EYA2: variants seen among roughly 807,000 people sequenced by gnomAD.
The protein encoded by EYA2 is protein phosphatase EYA2.
In EYA2, 31 loss-of-function variants were observed where a neutral mutation model predicts 69.2. That is an observed-to-expected ratio of 0.45 (90% CI 0.34 to 0.60). The LOEUF is 0.60. EYA2 is among the 20% of genes least tolerant of loss of function. EYA2 has a pLI of 0.02. For missense variants in EYA2, 622 were observed against 701.2 expected, an observed-to-expected ratio of 0.89 and a Z score of 1.28; for synonymous variants, 257 against 279.4, an observed-to-expected ratio of 0.92 and a Z score of 0.80.
Position 47,063,076 on chromosome 20 carries a change from T to C in EYA2, c.416-9109T>C, listed in dbSNP as rs142992850. Among the ~76,000 whole-genome samples the C allele has an allele frequency of 3.8e-4, 58 of 152,236 alleles. 1 individual carries two copies. The Middle Eastern group carries it at 0.01, about 27-fold the overall frequency. Reference sequence around the variant, plus strand: ...AAATTAAGGTAAAATTCCCATAACATAGAATTAACCATTAACCATTTTAAA... The same window carrying C: ...AAATTAAGGTAAAATTCCCATAACACAGAATTAACCATTAACCATTTTAAA... On this transcript the variant is annotated intron_variant, in intron 5 of 15. Transcript: ENST00000327619.
intron 9 of EYA2, among the ~76,000 whole-genome samples, chr20:47,111,542 G>A (rs369473659): frequency 5.3e-5 from 8 of 152,264 alleles, no homozygotes; most frequent in African/African-American, 1.4e-4. Context: ...GCTTTTCCTC[G>A]TGGCCTAAGA....
chr20:47,105,452 C>T (rs1438871121), intron 9 of EYA2, among the ~76,000 whole-genome samples: 1 of 152,112 alleles, frequency 6.6e-6, no homozygotes, highest in Non-Finnish European at 1.5e-5. Flanking sequence ...TGATGAAACC[C>T]TGTCTCTACT....
chr20:46,946,035 T>G (rs1295346430), intron 1 of EYA2, among the ~76,000 whole-genome samples: 1 of 152,130 alleles, frequency 6.6e-6, no homozygotes, highest in African/African-American at 2.4e-5. Flanking sequence ...TCGAGGGTCT[T>G]GAGAATAAGT....
chr20:47,180,786 T>C, intron 13 of EYA2, 29 bp from the exon 14 acceptor site: 1 of 1,610,694 alleles, frequency 6.2e-7, no homozygotes, highest in South Asian at 1.1e-5. Context: ...TCCCTCTGAG[T>C]TCTGATCCAC....
At chr20:47,032,711 C>G (rs1600655918) in intron 5 of EYA2, among the ~76,000 whole-genome samples, 1 of 152,218 alleles carries the variant, frequency 6.6e-6, no homozygotes, top group Non-Finnish European at 1.5e-5. Flanking sequence ...TCTGCACTCA[C>G]TGGCTGTGAG....
chr20:47,070,994 A>G (rs1249873979), intron 5 of EYA2, among the ~76,000 whole-genome samples: 1 of 151,756 alleles, frequency 6.6e-6, no homozygotes, highest in Non-Finnish European at 1.5e-5. Context: ...AACTATAGGC[A>G]TGCGCCACCA....
chr20:46,955,901 A>G (rs543524535), intron 1 of EYA2, among the ~76,000 whole-genome samples: 2 of 152,354 alleles, frequency 1.3e-5, no homozygotes, highest in East Asian at 3.9e-4. Context: ...AGGCCATGCA[A>G]TCTCCATTTC....
At chr20:47,167,856 G>T (rs138523645) in intron 10 of EYA2, among the ~76,000 whole-genome samples, 105 of 152,228 alleles carry the variant, frequency 6.9e-4, no homozygotes, top group African/African-American at 2.5e-3. Context: ...AAGAATGTGC[G>T]CATCTTTGGG....
chr20:47,165,826 C>T (rs1384062925), intron 10 of EYA2, among the ~76,000 whole-genome samples: 1 of 152,158 alleles, frequency 6.6e-6, no homozygotes, highest in Non-Finnish European at 1.5e-5. Flanking sequence ...CCCCACAGGG[C>T]AACCCAGGCT....
At chr20:47,182,628 T>TC (rs779945744) in intron 14 of EYA2, among the ~76,000 whole-genome samples, 64 of 84,316 alleles carry the variant, frequency 7.6e-4, no homozygotes, top group Middle Eastern at 8.3e-3. Flanking sequence ...AGACTCCGTC[T>TC]AAAAAAAAAA....
chr20:47,086,675 C>A (rs753818817), intron 7 of EYA2, among the ~76,000 whole-genome samples: 15 of 152,152 alleles, frequency 9.9e-5, no homozygotes, highest in Non-Finnish European at 2.1e-4. Context: ...TCCTACCAGG[C>A]CCCGCCTCTA....
intron 10 of EYA2, among the ~76,000 whole-genome samples, chr20:47,157,374 AAAAAAAG>A (rs1191987136): frequency 2.0e-5 from 3 of 150,366 alleles, no homozygotes; most frequent in Non-Finnish European, 4.4e-5. Context: ...AAAAAAAAAA[AAAAAAAG>A]AGTACTAAGT....
chr20:46,896,313 G>A (rs6018142), intron 1 of EYA2, among the ~76,000 whole-genome samples: 2,559 of 152,014 alleles, frequency 0.017, 76 homozygotes, highest in African/African-American at 0.058. Context: ...TGAAATGTCT[G>A]TGACCATAAT....
At chr20:47,136,616 G>A (rs1002514515) in intron 9 of EYA2, among the ~76,000 whole-genome samples, 5 of 151,934 alleles carry the variant, frequency 3.3e-5, no homozygotes, top group Non-Finnish European at 5.9e-5. Flanking sequence ...GCTAGCACAC[G>A]TCTCTAGTCC....
chr20:47,153,939 C>A lies in EYA2; in HGVS notation c.978+10791C>A, dbSNP rs2033871657. ...TCAATAATAACTGACATTTACTGAGCACTCACTACATACCAGGCACTGTTC... is the reference window on the plus strand; with the variant it reads ...TCAATAATAACTGACATTTACTGAGAACTCACTACATACCAGGCACTGTTC... On this transcript the variant is annotated intron_variant, in intron 10 of 15. Coordinates refer to ENST00000327619, the MANE Select transcript of EYA2 (RefSeq NM_005244.5). Among the ~76,000 whole-genome samples the A allele has an allele frequency of 2.0e-5, 3 of 152,028 alleles. 1 individual carries two copies. The highest frequency in any genetic ancestry group is 2.0e-4 in the Admixed American group (3 of 15,288).
chr20:47,070,359 A>T (rs1274289812), intron 5 of EYA2, among the ~76,000 whole-genome samples: 1 of 152,256 alleles, frequency 6.6e-6, no homozygotes, highest in Non-Finnish European at 1.5e-5. Flanking sequence ...ATACAACCAC[A>T]TACTTCGTAG....
chr20:47,022,365 G>A (rs948721375), intron 5 of EYA2, among the ~76,000 whole-genome samples: 5 of 152,326 alleles, frequency 3.3e-5, no homozygotes, highest in African/African-American at 9.6e-5. Context: ...CCAGGCTGGA[G>A]TACAATGGCA....
At chr20:46,901,267 T>G (rs1984092206) in intron 1 of EYA2, 1 of 152,206 alleles carries the variant, frequency 6.6e-6, no homozygotes, top group African/African-American at 2.4e-5. Flanking sequence ...AGTCAGAAGC[T>G]GAAAATAAAA....
intron 5 of EYA2, among the ~76,000 whole-genome samples, chr20:47,018,605 CGTACAGG>C (rs1408713681): frequency 2.6e-5 from 4 of 152,174 alleles, no homozygotes; most frequent in Non-Finnish European, 5.9e-5. Context: ...TGGGCCGGGC[CGTACAGG>C]CAGCGGGAAC....
Sources: allele counts gnomAD v4.1 joint callset (sites outside exome capture counted in the v4.1 genomes callset), GRCh38; gene constraint gnomAD v4.1.1; transcripts MANE v1.5; gene names NCBI Gene and HGNC (gene_info 2026-07-23, HGNC 2026-07-21).